The following WRNIP1 variants were observed in gnomAD, a reference collection of about 807,000 sequenced individuals.
WRNIP1 encodes ATPase WRNIP1.
A neutral mutation model predicts 56.1 loss-of-function variants in WRNIP1; 41 were observed. The ratio of observed to expected loss-of-function variants is 0.73; its 90% CI spans 0.57 to 0.95. The LOEUF (loss-of-function observed/expected upper bound fraction) is 0.95. Among genes scored for constraint, WRNIP1 ranks in the 40% least tolerant of loss-of-function variants. The probability of loss-of-function intolerance (pLI) is 0.00; values close to 1 mark genes in which losing one functional copy is unlikely to be tolerated. For synonymous variants in WRNIP1, 547 were observed against 398.1 expected, an observed-to-expected ratio of 1.37 and a Z score of -4.45; for missense variants, 1,170 against 939.4, an observed-to-expected ratio of 1.25 and a Z score of -3.21.
intron 4 of WRNIP1, among the ~76,000 whole-genome samples, chr6:2,780,309 T>C (rs1765525387): frequency 6.6e-6 from 1 of 152,228 alleles, no homozygotes; most frequent in South Asian, 2.1e-4. Context: ...ACGTAGGCTG[T>C]GCCACGTGAC....
chr6:2,781,289 G>A (rs181028420), intron 4 of WRNIP1, among the ~76,000 whole-genome samples: 6 of 152,272 alleles, frequency 3.9e-5, no homozygotes, highest in East Asian at 3.9e-4. Flanking sequence ...GCCTAGTGCC[G>A]CTGCCTAGTG....
intron 3 of WRNIP1, among the ~76,000 whole-genome samples, chr6:2,778,235 C>T (rs915718844): frequency 1.3e-5 from 2 of 152,126 alleles, no homozygotes; most frequent in African/African-American, 2.4e-5. Context: ...GTAGCTGATT[C>T]GGACAGTCCT....
At position 2,765,773 on chromosome 6, in the gene WRNIP1, G is replaced by C. The variant is rs1280751639; in HGVS notation, c.151G>C (p.Ala51Pro). Reference protein sequence around the residue: ...LLHPAGHAEPAAGSHRAGERA... With the variant: ...LLHPAGHAEPPAGSHRAGERA... ...CCACCCGGCGGGGCACGCGGAGCCC[G>C]CGGCCGGGTCGCACCGCGCCGGGGA... Residue 51 changes from alanine to proline, a missense_variant, in exon 1 of 7, where the codon GCG (alanine) becomes CCG (proline). Transcript: ENST00000380773. 1.4e-6 allele frequency: 2 copies of C among 1,459,802 alleles called. No individual in the cohort carries two copies. Among genetic ancestry groups the C allele is most frequent in the Non-Finnish European group, 1.8e-6 (2 of 1,108,804 alleles). The allele number at this position is 1,459,802 out of a possible 1,614,324, so 90.4% of individuals were successfully genotyped here. A position where few individuals can be genotyped will look rare whatever the true frequency, so the allele number is the denominator to read the frequency against.
At chr6:2,769,491 A>G (rs756109185) in intron 2 of WRNIP1, among the ~76,000 whole-genome samples, 2 of 152,178 alleles carry the variant, frequency 1.3e-5, no homozygotes, top group Admixed American at 1.3e-4. Flanking sequence ...ATTTTTAGGC[A>G]TAACTTTAAA....
Position 2,766,196 on chromosome 6 carries a change from G to A in WRNIP1, c.574G>A (p.Asp192Asn), listed in dbSNP as rs1423804702. Residue 192 changes from aspartate (D) to asparagine (N), a missense_variant, in exon 1 of 7, where the codon GAC (aspartate) becomes AAC (asparagine). Physicochemically the swap from Asp to Asn is conservative, Grantham distance 23. Coordinates refer to ENST00000380773, the MANE Select transcript of WRNIP1 (RefSeq NM_020135.3). ...GEDDPGHWDA[D>N]AAEAATAFGA... The stretch of plus-strand genomic sequence containing the variant: ...GGACGACCCGGGGCACTGGGACGCG[G>A]ACGCTGCCGAAGCCGCCACCGCCTT... 2.8e-6 allele frequency: 4 copies of A among 1,406,038 alleles called. No homozygotes were observed. Among genetic ancestry groups the A allele is most frequent in the African/African-American group, 1.5e-5 (1 of 66,550 alleles). 87.1% of individuals were successfully genotyped at this position (1,406,038 alleles called of 1,614,324 possible). A position where few individuals can be genotyped will look rare whatever the true frequency, so the allele number is the denominator to read the frequency against.
rs1765701331 is a variant in WRNIP1, at chr6:2,785,972, G to A, written c.*690G>A. On this transcript the variant is annotated 3_prime_UTR_variant, in exon 7 of 7. Coordinates refer to ENST00000380773, the MANE Select transcript of WRNIP1 (RefSeq NM_020135.3). ...TTGTGGAAGACTCCAGTAGTCCCAT[G>A]CCCATTTTTTCCCACTTGTCCTGGT... 6.6e-6 allele frequency: 1 copy of A among 152,308 alleles called. No individual in the cohort carries two copies. The highest frequency in any genetic ancestry group is 2.1e-4 in the South Asian group (1 of 4,826). The allele number at this position is 152,308 out of a possible 1,614,324, so 9.4% of individuals were successfully genotyped here.
chr6:2,768,632 G>A, intron 1 of WRNIP1, 59 bp from the exon 2 acceptor site: 1 of 1,445,540 alleles, frequency 6.9e-7, no homozygotes. Flanking sequence ...GTTCCCATGG[G>A]TGCTGGTCTC....
intron 3 of WRNIP1, chr6:2,773,516 A>C (rs757765551): frequency 4.1e-6 from 4 of 985,436 alleles, no homozygotes; most frequent in Non-Finnish European, 4.8e-6. Flanking sequence ...TTGTATGGCT[A>C]AGCAGTAGTG....
chr6:2,773,845 A>ACTGCCCT (rs1561912525), intron 3 of WRNIP1: 5 of 980,964 alleles, frequency 5.1e-6, no homozygotes, highest in Non-Finnish European at 6.0e-6. Context: ...AGAAGCCATA[A>ACTGCCCT]CTGCCCTCTG....
intron 3 of WRNIP1, among the ~76,000 whole-genome samples, chr6:2,772,548 GAT>G (rs1765325779): frequency 6.6e-6 from 1 of 152,206 alleles, no homozygotes; most frequent in African/African-American, 2.4e-5. Context: ...CAGCATAAGG[GAT>G]AATTACCCAG....
Position 2,779,279 on chromosome 6 carries a change from G to C in WRNIP1, c.1273G>C (p.Glu425Gln). 1 of 1,614,206 alleles carries C rather than the reference G, an allele frequency of 6.2e-7. No individual in the cohort carries two copies. Among genetic ancestry groups the C allele is most frequent in the Non-Finnish European group, 8.5e-7 (1 of 1,180,032 alleles). ...NSSSEPAMFI[E>Q]DKAVDTLAYL... Reference sequence around the variant, plus strand: ...GTGTTTCAGGCCCGCCATGTTCATAGAGGATAAAGCAGTAGACACCCTGGC... The same window carrying C: ...GTGTTTCAGGCCCGCCATGTTCATACAGGATAAAGCAGTAGACACCCTGGC... The change falls in exon 4 of 7, where the codon GAG becomes CAG. Residue 425 changes from glutamate to glutamine, a missense_variant. By Grantham distance (29) the Glu-to-Gln change is conservative. Coordinates refer to ENST00000380773, the MANE Select transcript of WRNIP1 (RefSeq NM_020135.3).
Position 2,766,021 on chromosome 6 carries a change from C to A in WRNIP1, c.399C>A (p.Ser133Arg), listed in dbSNP as rs1582160183. 11 of 1,325,770 alleles carry A rather than the reference C, an allele frequency of 8.3e-6. No individual in the cohort carries two copies. In the East Asian group the frequency reaches 3.4e-4, roughly 41 times the overall value. The allele number at this position is 1,325,770 out of a possible 1,614,324, so 82.1% of individuals were successfully genotyped here. ...ACTTCCCGGTGGCCCGCTCCAGCAG[C>A]CCCGGGAGGAAGGGGTCGGGGAAGA... Reference protein sequence around the residue: ...IPDFPVARSSSPGRKGSGKRP... With the variant: ...IPDFPVARSSRPGRKGSGKRP... The change falls in exon 1 of 7, where the codon AGC becomes AGA. Residue 133 changes from serine to arginine, a missense_variant. Physicochemically the swap from Ser to Arg is moderately radical, Grantham distance 110 (BLOSUM62 -1). Coordinates refer to ENST00000380773, the MANE Select transcript of WRNIP1 (RefSeq NM_020135.3).
At chr6:2,772,083 C>T (rs1765302658) in intron 3 of WRNIP1, among the ~76,000 whole-genome samples, 1 of 152,120 alleles carries the variant, frequency 6.6e-6, no homozygotes, top group South Asian at 2.1e-4. Flanking sequence ...CAGTCACTGC[C>T]GTGCAGGAAT....
intron 6 of WRNIP1, 130 bp downstream of exon 6, chr6:2,784,533 T>C: frequency 3.3e-6 from 3 of 921,708 alleles, no homozygotes; most frequent in Non-Finnish European, 4.9e-6. Context: ...TGCTTGGCTT[T>C]GGAATTCCAA....
intron 3 of WRNIP1, chr6:2,773,305 T>A: frequency 2.0e-6 from 2 of 985,438 alleles, no homozygotes; most frequent in Non-Finnish European, 2.4e-6. Flanking sequence ...CGCAGTATGA[T>A]GAAGGCTAGG....
Position 2,779,508 on chromosome 6 carries a change from G to A in WRNIP1, c.1486+16G>A. ...GACCGGGCAGGTAAGTAATTCACCT[G>A]TGGAAAGAGTGAAACCATACGGAAA... On this transcript the variant is annotated intron_variant, in intron 4 of 6. Transcript: ENST00000380773. 11 of 1,605,714 alleles carry A rather than the reference G, an allele frequency of 6.9e-6. No individual in the cohort carries two copies. The highest frequency in any genetic ancestry group is 9.4e-6 in the Non-Finnish European group (11 of 1,175,388).
chr6:2,769,106 T>G (rs1765167455), intron 2 of WRNIP1, among the ~76,000 whole-genome samples: 2 of 152,240 alleles, frequency 1.3e-5, no homozygotes, highest in Admixed American at 1.3e-4. Context: ...GGCATATCCC[T>G]GAGCTATACG....
intron 3 of WRNIP1, chr6:2,774,409 C>T (rs1765384912): frequency 2.9e-6 from 1 of 348,730 alleles, no homozygotes; most frequent in African/African-American, 2.2e-5. Flanking sequence ...ATCTGATGGC[C>T]CTTGGCATTC....
At chr6:2,782,084 C>T (rs1304197510) in intron 4 of WRNIP1, among the ~76,000 whole-genome samples, 3 of 152,226 alleles carry the variant, frequency 2.0e-5, no homozygotes, top group Non-Finnish European at 4.4e-5. Flanking sequence ...TCTTCCAGCC[C>T]CCATGCCCGT....
Sources: gnomAD v4.1 joint callset for allele counts (sites outside exome capture counted in the v4.1 genomes callset) on GRCh38, gnomAD v4.1.1 for gene constraint, MANE v1.5 for transcripts, NCBI Gene and HGNC (gene_info 2026-07-23, HGNC 2026-07-21) for gene names.